Variants in HERC1 observed in about 807,000 individuals in gnomAD.
HERC1 encodes the protein HECT and RLD domain containing E3 ubiquitin protein ligase family member 1.
Under a neutral mutation model 554.3 loss-of-function variants are expected in HERC1, and 160 were observed. The observed-to-expected ratio is 0.29, with a 90% confidence interval of 0.25 to 0.33. The LOEUF is 0.33. HERC1 is among the 10% of genes least tolerant of loss of function. The pLI, the probability that HERC1 is intolerant of heterozygous loss-of-function variation, is 1.00. For synonymous variants in HERC1, 2,175 were observed against 2,131.7 expected, an observed-to-expected ratio of 1.02 and a Z score of -0.56; for missense variants, 4,919 against 5,918.5, an observed-to-expected ratio of 0.83 and a Z score of 5.54.
intron 40 of HERC1, among the ~76,000 whole-genome samples, chr15:63,668,249 T>G (rs942334878): frequency 9.2e-5 from 14 of 152,142 alleles, no homozygotes; most frequent in African/African-American, 3.1e-4. Flanking sequence ...GAATATCAGA[T>G]TGGATTAAAA....
intron 53 of HERC1, 105 bp downstream of exon 53, chr15:63,651,148 G>C: frequency 1.0e-6 from 1 of 1,003,366 alleles, no homozygotes; most frequent in Non-Finnish European, 1.5e-6. Flanking sequence ...TGGAAGGCTT[G>C]TGAATTTCAA....
rs747131856 is a variant in HERC1, at chr15:63,635,946, C to T, written c.12414+15G>A. 1.2e-6 allele frequency: 2 copies of T among 1,611,356 alleles called. No individual in the cohort carries two copies. The highest frequency in any genetic ancestry group is 2.2e-5 in the East Asian group (1 of 44,850). The stretch of plus-strand genomic sequence containing the variant: ...ATTTACAATGAAAGGCAAACTTATC[C>T]ATTTCCTGCCTGACCTGCACCACTT... On this transcript the variant is annotated intron_variant, in intron 65 of 77. Coordinates refer to ENST00000443617, the MANE Select transcript of HERC1 (RefSeq NM_003922.4).
intron 7 of HERC1, among the ~76,000 whole-genome samples, chr15:63,754,065 T>C (rs2075339836): frequency 6.6e-6 from 1 of 151,962 alleles, no homozygotes; most frequent in Admixed American, 6.6e-5. Context: ...TCCCAGCTAC[T>C]TGGGGGGCTG....
rs556489135 is a variant in HERC1, at chr15:63,634,719, G to C, written c.12570+14C>G. On this transcript the variant is annotated intron_variant, in intron 66 of 77. Coordinates refer to ENST00000443617, the MANE Select transcript of HERC1 (RefSeq NM_003922.4). ...CAATGATCAGCTAGAATATCTTATTGATTTATTCCATGCCTGTCCAATCTG... is the reference window on the plus strand; with the variant it reads ...CAATGATCAGCTAGAATATCTTATTCATTTATTCCATGCCTGTCCAATCTG... The C allele has an allele frequency of 7.5e-6, 12 of 1,605,554 alleles. No individual in the cohort carries two copies. The South Asian group carries it at 1.2e-4, about 16-fold the overall frequency.
intron 51 of HERC1, among the ~76,000 whole-genome samples, chr15:63,653,681 C>A (rs1256183848): frequency 6.6e-6 from 1 of 152,122 alleles, no homozygotes; most frequent in Non-Finnish European, 1.5e-5. Context: ...CTCATGATTA[C>A]TTTAAATACC....
rs2067654985 is a variant in HERC1, at chr15:63,612,712, G to T, written c.14095-156C>A. Among the ~76,000 whole-genome samples the T allele has an allele frequency of 6.6e-6, 1 of 152,168 alleles. No homozygotes were observed. The highest frequency in any genetic ancestry group is 2.1e-4 in the South Asian group (1 of 4,832). On this transcript the variant is annotated intron_variant, in intron 76 of 77. Transcript: ENST00000443617. This position sits in a 1 kb window ranked among gnomAD's most constrained non-coding sequence, Gnocchi z 5.0. Reference sequence around the variant, plus strand: ...GCCAGGCACGAGAGTCAGTCAAAAAGGCCCACCCTCCCTGCCTCTCAACCC... The same window carrying T: ...GCCAGGCACGAGAGTCAGTCAAAAATGCCCACCCTCCCTGCCTCTCAACCC...
chr15:63,747,691 C>A (rs1204592115), intron 11 of HERC1, 33 bp downstream of exon 11: 1 of 1,369,592 alleles, frequency 7.3e-7, no homozygotes, highest in African/African-American at 1.4e-5. Context: ...CGCACACACA[C>A]ACACAAAGAT....
In HERC1 at chr15:63,733,192, A is replaced by G. The variant is rs1162501952; in HGVS notation, c.2647-47T>C. 3 of 1,238,990 alleles carry G rather than the reference A, an allele frequency of 2.4e-6. No homozygotes were observed. The South Asian group carries it at 3.6e-5, about 15-fold the overall frequency. 76.7% of individuals were successfully genotyped at this position (1,238,990 alleles called of 1,614,324 possible). ...ACAAGTAACTAGCGTAATATGCACTAGAAAAGAACACAAAAGGATCCCAGA... is the reference window on the plus strand; with the variant it reads ...ACAAGTAACTAGCGTAATATGCACTGGAAAAGAACACAAAAGGATCCCAGA... On this transcript the variant is annotated intron_variant, in intron 13 of 77. Coordinates refer to ENST00000443617, the MANE Select transcript of HERC1 (RefSeq NM_003922.4).
chr15:63,653,866 A>C (rs1053578862), intron 51 of HERC1, among the ~76,000 whole-genome samples: 2 of 152,190 alleles, frequency 1.3e-5, no homozygotes, highest in Non-Finnish European at 2.9e-5. Flanking sequence ...TCTTTTGTGA[A>C]GCTATTCCTT....
At chr15:63,764,513 G>A (rs1048430662) in intron 2 of HERC1, among the ~76,000 whole-genome samples, 27 of 152,178 alleles carry the variant, frequency 1.8e-4, no homozygotes, top group African/African-American at 6.5e-4. Flanking sequence ...CTCTTTGGGT[G>A]ACCAGTATCC....
At chr15:63,645,747 G>A (rs1174379122) in intron 55 of HERC1, 65 bp from the exon 56 acceptor site, 2 of 869,102 alleles carry the variant, frequency 2.3e-6, no homozygotes, top group African/African-American at 3.4e-5. Flanking sequence ...TTTAAATTCA[G>A]TAATACATAA....
rs1219607687 is a variant in HERC1, at chr15:63,749,149, T to C, written c.2219+218A>G. ...GTTTAAAAGACAATGTCTTAAATAC[T>C]GGGTATGACTTCTTGCTTCGGAAAC... On this transcript the variant is annotated intron_variant, in intron 10 of 77. Coordinates refer to ENST00000443617, the MANE Select transcript of HERC1 (RefSeq NM_003922.4). This position sits in a 1 kb window ranked among gnomAD's most constrained non-coding sequence, Gnocchi z 4.1. 6.6e-6 allele frequency among the ~76,000 whole-genome samples: 1 copy of C among 152,212 alleles called. No individual in the cohort carries two copies. The highest frequency in any genetic ancestry group is 1.9e-4 in the East Asian group (1 of 5,204).
intron 48 of HERC1, among the ~76,000 whole-genome samples, 195 bp from the exon 49 acceptor site, chr15:63,656,553 A>G (rs1244492617): frequency 1.3e-5 from 2 of 152,232 alleles, no homozygotes; most frequent in African/African-American, 4.8e-5. Context: ...TCTCCTTTTA[A>G]TAAGTATTGG....
intron 40 of HERC1, 81 bp from the exon 41 acceptor site, chr15:63,666,553 C>G: frequency 1.2e-6 from 1 of 868,684 alleles, no homozygotes; most frequent in Non-Finnish European, 1.8e-6. Context: ...TCCTCAATTT[C>G]CTAGTATTGT....
chr15:63,798,961 G>A (rs553068978), intron 1 of HERC1, among the ~76,000 whole-genome samples: 1 of 152,108 alleles, frequency 6.6e-6, no homozygotes, highest in East Asian at 1.9e-4. Flanking sequence ...AAGCAAAAAG[G>A]GCACAAATAA....
At chr15:63,826,089 C>T (rs2077892681) in intron 1 of HERC1, among the ~76,000 whole-genome samples, 2 of 152,184 alleles carry the variant, frequency 1.3e-5, no homozygotes, top group Admixed American at 6.5e-5. Flanking sequence ...AAAAAGAAAA[C>T]GAATGGAATA....
intron 2 of HERC1, among the ~76,000 whole-genome samples, chr15:63,766,162 AATGT>A (rs1481782123): frequency 6.6e-6 from 1 of 151,928 alleles, no homozygotes; most frequent in Non-Finnish European, 1.5e-5. Flanking sequence ...TAAATATTAA[AATGT>A]ATTTATACTA....
chr15:63,639,105 C>A (rs1194364480), intron 61 of HERC1, among the ~76,000 whole-genome samples: 1 of 152,148 alleles, frequency 6.6e-6, no homozygotes, highest in Non-Finnish European at 1.5e-5. Context: ...GGGCAAATTA[C>A]TTCATCTTTC....
intron 6 of HERC1, 124 bp from the exon 7 acceptor site, chr15:63,754,772 A>G: frequency 1.1e-6 from 1 of 939,496 alleles, no homozygotes; most frequent in Non-Finnish European, 1.6e-6. Context: ...AATGCAATGC[A>G]ATATGAAAAA....
Sources: gnomAD v4.1 joint callset for allele counts (sites outside exome capture counted in the v4.1 genomes callset) on GRCh38, gnomAD v4.1.1 for gene constraint, Gnocchi (gnomAD v3.1) non-coding constraint, MANE v1.5 for transcripts, NCBI Gene and HGNC (gene_info 2026-07-23, HGNC 2026-07-21) for gene names.